The following CD48 variants were observed in gnomAD, a reference collection of about 807,000 sequenced individuals.
CD48 encodes CD48 antigen.
CD48 carries 20 observed loss-of-function variants against 22.0 expected under a neutral mutation model. That is an observed-to-expected ratio of 0.91 (90% CI 0.64 to 1.32). The LOEUF (loss-of-function observed/expected upper bound fraction) is 1.32, where lower values mean the gene tolerates loss of function less well. Ranked by LOEUF, CD48 falls within the 40% of genes most tolerant of loss-of-function variation. The pLI, the probability that CD48 is intolerant of heterozygous loss-of-function variation, is 0.00. For missense variants in CD48, 307 were observed against 286.5 expected, an observed-to-expected ratio of 1.07 and a Z score of -0.52; for synonymous variants, 110 against 110.1, an observed-to-expected ratio of 1.00 and a Z score of 0.01.
At position 160,681,379 on chromosome 1, in the gene CD48, C is replaced by T. The variant is rs773326701; in HGVS notation, c.475G>A (p.Glu159Lys). 1.1e-5 allele frequency: 17 copies of T among 1,614,050 alleles called. No homozygotes were observed. The African/African-American group carries it at 1.1e-4, about 10-fold the overall frequency. ...CCATACCAGGTGTAGTTTACAGACT[C>T]GCCAGGTATCACACATGACAGTTTC... ...YLKLSCVIPG[E>K]SVNYTWYGDK... The change falls in exon 3 of 4, where the codon GAG becomes AAG. Residue 159 changes from glutamate (E) to lysine (K), a missense_variant. Transcript: ENST00000368046.
chr1:160,690,671 A>AACC (rs991269960), intron 1 of CD48, among the ~76,000 whole-genome samples: 22 of 152,350 alleles, frequency 1.4e-4, no homozygotes, highest in African/African-American at 5.3e-4. Flanking sequence ...TACACTGGTG[A>AACC]ACCACCTGTT....
chr1:160,694,913 C>T (rs546056181), intron 1 of CD48, among the ~76,000 whole-genome samples: 5 of 152,392 alleles, frequency 3.3e-5, no homozygotes, highest in Admixed American at 2.6e-4. Flanking sequence ...ATTGAGCCTT[C>T]ATTCTCGCCT....
chr1:160,694,367 A>G (rs1397587352), intron 1 of CD48, among the ~76,000 whole-genome samples: 1 of 152,158 alleles, frequency 6.6e-6, no homozygotes, highest in Non-Finnish European at 1.5e-5. Context: ...ATTGGTAGAC[A>G]CTGGAGCAGA....
chr1:160,694,170 C>T (rs1214977350), intron 1 of CD48, among the ~76,000 whole-genome samples: 2 of 152,222 alleles, frequency 1.3e-5, no homozygotes, highest in South Asian at 4.1e-4. Flanking sequence ...CCTTGGAGTG[C>T]CAGTCCAGGA....
intron 1 of CD48, chr1:160,692,000 A>G (rs1183598995): frequency 4.9e-6 from 1 of 202,156 alleles, no homozygotes; most frequent in African/African-American, 2.3e-5. Flanking sequence ...AATCTAATCA[A>G]GCTATTTCAA....
chr1:160,679,187 T>A, intron 3 of CD48, 56 bp from the exon 4 acceptor site: 1 of 1,392,214 alleles, frequency 7.2e-7, no homozygotes, highest in South Asian at 1.2e-5. Context: ...ACTAATGTAT[T>A]GAGAAGGGGC....
intron 1 of CD48, among the ~76,000 whole-genome samples, chr1:160,704,829 C>T (rs1295117858): frequency 1.3e-5 from 2 of 151,696 alleles, no homozygotes; most frequent in Admixed American, 6.6e-5. Flanking sequence ...ATATAAGCCT[C>T]AGGTCATTTT....
intron 2 of CD48, chr1:160,684,276 G>T (rs10489638): frequency 0.053 from 8,069 of 153,206 alleles, 291 homozygotes; most frequent in South Asian, 0.12. Flanking sequence ...TCTGTTATTT[G>T]CTATCAAAAG....
At position 160,709,530 on chromosome 1, in the gene CD48, C is replaced by A. The variant is rs1571076938; in HGVS notation, c.82+2152G>T. ...TCTCATTTCTAGTACAATACTCTGT[C>A]TACTTCATCCTGCTAAGTGTTGTGG... is the stretch of plus-strand genomic sequence containing the variant. On this transcript the variant is annotated intron_variant, in intron 1 of 3. Coordinates refer to ENST00000368046, the MANE Select transcript of CD48 (RefSeq NM_001778.4). Among the ~76,000 whole-genome samples, 3 of 152,298 alleles carry A rather than the reference C, an allele frequency of 2.0e-5. No individual in the cohort carries two copies. In the East Asian group the frequency reaches 5.8e-4, roughly 29 times the overall value.
chr1:160,697,098 C>G (rs540244603), intron 1 of CD48, among the ~76,000 whole-genome samples: 1 of 152,148 alleles, frequency 6.6e-6, no homozygotes, highest in Non-Finnish European at 1.5e-5. Context: ...CAGACTACTA[C>G]TTCTGCAGAA....
intron 1 of CD48, among the ~76,000 whole-genome samples, chr1:160,687,602 T>G (rs1193409433): frequency 6.6e-6 from 1 of 152,216 alleles, no homozygotes; most frequent in Non-Finnish European, 1.5e-5. Flanking sequence ...TCCCTCCATT[T>G]GGGGTCCCTG....
chr1:160,698,602 G>A (rs1315387009), intron 1 of CD48, among the ~76,000 whole-genome samples: 1 of 152,046 alleles, frequency 6.6e-6, no homozygotes, highest in Non-Finnish European at 1.5e-5. Flanking sequence ...TCATTTGGAT[G>A]GGAGACAGGC....
intron 1 of CD48, among the ~76,000 whole-genome samples, chr1:160,698,491 C>G (rs1366810900): frequency 6.6e-6 from 1 of 151,860 alleles, no homozygotes; most frequent in East Asian, 1.9e-4. Flanking sequence ...AGTCAGTAAA[C>G]TTTGTTAATT....
chr1:160,699,043 G>C (rs1662532204), intron 1 of CD48: 1 of 153,724 alleles, frequency 6.5e-6, no homozygotes, highest in African/African-American at 2.4e-5. Flanking sequence ...AAGAAAAGGG[G>C]GAAATGTGGG....
At chr1:160,705,006 T>C (rs911586468) in intron 1 of CD48, among the ~76,000 whole-genome samples, 7 of 152,106 alleles carry the variant, frequency 4.6e-5, no homozygotes, top group African/African-American at 1.7e-4. Flanking sequence ...GAAGAGGAAA[T>C]ATGTCCTATA....
chr1:160,698,557 A>G (rs1161659664), intron 1 of CD48, among the ~76,000 whole-genome samples: 1 of 152,142 alleles, frequency 6.6e-6, no homozygotes, highest in Admixed American at 6.5e-5. Flanking sequence ...TTGATCAAAA[A>G]TTGGCAAGTC....
chr1:160,706,331 C>T (rs1302392776), intron 1 of CD48, among the ~76,000 whole-genome samples: 3 of 152,108 alleles, frequency 2.0e-5, no homozygotes, highest in Admixed American at 2.0e-4. Flanking sequence ...GCTTCGGCCT[C>T]CCAAAGTGCT....
In CD48 at chr1:160,701,853, GA is replaced by G. The variant is rs1662640155; in HGVS notation, c.82+9828del. ...AGGCCATAAACTAGAGGAAATAACA[GA>G]AACTTCGGCACCAGTATCTACTAGG... is the stretch of plus-strand genomic sequence containing the variant. On this transcript the variant is annotated intron_variant, in intron 1 of 3. Transcript: ENST00000368046. 2.0e-5 allele frequency among the ~76,000 whole-genome samples: 3 copies of G among 152,274 alleles called. No individual in the cohort carries two copies. The South Asian group carries it at 6.2e-4, about 32-fold the overall frequency.
At chr1:160,687,037 C>G (rs1386327274) in intron 1 of CD48, among the ~76,000 whole-genome samples, 3 of 152,160 alleles carry the variant, frequency 2.0e-5, no homozygotes, top group Non-Finnish European at 2.9e-5. Context: ...TATTTCACCT[C>G]TGCAGTTTCG....
Sources: gnomAD v4.1 joint callset for allele counts (sites outside exome capture counted in the v4.1 genomes callset) on GRCh38, gnomAD v4.1.1 for gene constraint, MANE v1.5 for transcripts, NCBI Gene and HGNC (gene_info 2026-07-23, HGNC 2026-07-21) for gene names.